The following GPN3 variants were observed in gnomAD, a reference collection of about 807,000 sequenced individuals.
GPN3 encodes ATP-binding domain 1 family member C.
A neutral mutation model predicts 38.7 loss-of-function variants in GPN3; 31 were observed. The observed-to-expected ratio is 0.80, with a 90% CI of 0.60 to 1.08. The LOEUF (loss-of-function observed/expected upper bound fraction) is 1.08, where lower values mean the gene tolerates loss of function less well. Ranked by LOEUF, GPN3 falls within the 50% of genes least tolerant of loss-of-function variation. The pLI, the probability that GPN3 is intolerant of heterozygous loss-of-function variation, is 0.00. For synonymous variants in GPN3, 116 were observed against 120.2 expected (o/e 0.96, Z 0.23); for missense variants, 301 against 354.4 (o/e 0.85, Z 1.21).
chr12:110,453,245 G>A, intron 7 of GPN3, 149 bp from the exon 8 acceptor site: 1 of 500,978 alleles, frequency 2.0e-6, no homozygotes, highest in Non-Finnish European at 3.5e-6. Flanking sequence ...ACTGTTAATA[G>A]TAAGAAAAGG....
chr12:110,461,420 T>C, intron 2 of GPN3: 1 of 595,248 alleles, frequency 1.7e-6, no homozygotes, highest in South Asian at 2.1e-5. Flanking sequence ...AAAGACTCCA[T>C]CTCAAACAAA....
intron 2 of GPN3, among the ~76,000 whole-genome samples, chr12:110,462,854 G>T (rs1049756972): frequency 1.3e-5 from 2 of 152,082 alleles, no homozygotes; most frequent in Admixed American, 6.6e-5. Context: ...CCTCCCGGGT[G>T]CACGCCATTC....
intron 2 of GPN3, among the ~76,000 whole-genome samples, chr12:110,464,043 C>T (rs2062610434): frequency 1.3e-5 from 2 of 151,936 alleles, no homozygotes; most frequent in South Asian, 4.1e-4. Context: ...CAATGTTGCC[C>T]AGGCTGGACT....
In GPN3 at chr12:110,468,150, C is replaced by T. The variant is rs2062650113; in HGVS notation, c.48+6G>A. 1 of 1,613,960 alleles carries T rather than the reference C, an allele frequency of 6.2e-7. No homozygotes were observed. The highest frequency in any genetic ancestry group is 8.5e-7 in the Non-Finnish European group (1 of 1,180,034). On this transcript the variant is annotated splice_donor_region_variant and intron_variant, in intron 1 of 7. Coordinates refer to ENST00000228827, the MANE Select transcript of GPN3 (RefSeq NM_016301.4). ...CTTTTCTCTCCTTGTCCCCGCAGAT[C>T]CTCACCTTCCCGCTGCCCGCGGGGC...
In GPN3 at chr12:110,452,969, T is replaced by C. The variant is rs372672794; in HGVS notation, c.*65A>G. The C allele has an allele frequency of 8.5e-4, 681 of 802,592 alleles. 1 individual carries two copies. Among genetic ancestry groups the C allele is most frequent in the Non-Finnish European group, 1.5e-3 (651 of 439,630 alleles). The allele number at this position is 802,592 out of a possible 1,614,324, so 49.7% of individuals were successfully genotyped here. On this transcript the variant is annotated 3_prime_UTR_variant, in exon 8 of 8. Transcript: ENST00000228827. ...AGTAGCTTTCTACTATTGCATCCTTTGAAGAGAAGAATGTTCTGCTGGTTT... is the reference window on the plus strand; with the variant it reads ...AGTAGCTTTCTACTATTGCATCCTTCGAAGAGAAGAATGTTCTGCTGGTTT...
chr12:110,455,625 GCTT>G lies in GPN3; in HGVS notation c.621_623del (p.Arg207del). Reference sequence around the variant, plus strand: ...CTTTAGTCAGTTTCTTGAATTTTTTGCTTCTTAAGTCACTTGTAGAATCTTCTA... The same window carrying G: ...CTTTAGTCAGTTTCTTGAATTTTTTGCTTAAGTCACTTGTAGAATCTTCTA... On this transcript the variant is annotated inframe_deletion, in exon 6 of 8. Transcript: ENST00000228827. 1 of 1,460,958 alleles carries G rather than the reference GCTT, an allele frequency of 6.8e-7. No individual in the cohort carries two copies. Among genetic ancestry groups the G allele is most frequent in the South Asian group, 1.2e-5 (1 of 86,846 alleles). 90.5% of individuals were successfully genotyped at this position (1,460,958 alleles called of 1,614,324 possible). A position where few individuals can be genotyped will look rare whatever the true frequency, so the allele number is the denominator to read the frequency against.
In GPN3 at chr12:110,455,812, C is replaced by T. The variant is rs1449278184; in HGVS notation, c.566+3G>A. On this transcript the variant is annotated splice_donor_region_variant and intron_variant, in intron 5 of 7. Transcript: ENST00000228827. ...GATAATAATGGAAGAACAGTGAACT[C>T]ACTTCTCAATTTCCTTTTTTGCTTT... 7.2e-7 allele frequency: 1 copy of T among 1,396,686 alleles called. No homozygotes were observed. Among genetic ancestry groups the T allele is most frequent in the Non-Finnish European group, 1.0e-6 (1 of 981,608 alleles). The allele number at this position is 1,396,686 out of a possible 1,614,324, so 86.5% of individuals were successfully genotyped here. A position where few individuals can be genotyped will look rare whatever the true frequency, so the allele number is the denominator to read the frequency against.
At chr12:110,465,869 G>A (rs1340762086) in intron 1 of GPN3, among the ~76,000 whole-genome samples, 1 of 152,164 alleles carries the variant, frequency 6.6e-6, no homozygotes, top group Non-Finnish European at 1.5e-5. Flanking sequence ...CTGAGGTCAG[G>A]AGTTGGAGAC....
chr12:110,452,753 C>A lies in GPN3; in HGVS notation c.*281G>T. 2.9e-6 allele frequency: 1 copy of A among 341,310 alleles called. No individual in the cohort carries two copies. The highest frequency in any genetic ancestry group is 5.5e-6 in the Non-Finnish European group (1 of 180,554). The allele number at this position is 341,310 out of a possible 1,614,324, so 21.1% of individuals were successfully genotyped here. A position where few individuals can be genotyped will look rare whatever the true frequency, so the allele number is the denominator to read the frequency against. On this transcript the variant is annotated 3_prime_UTR_variant, in exon 8 of 8. Coordinates refer to ENST00000228827, the MANE Select transcript of GPN3 (RefSeq NM_016301.4). ...AAAATAAGTTTAGACCAGCCTTAAC[C>A]TTAGCTCAGGTGCTAATTTATATAT...
chr12:110,455,749 T>C, intron 5 of GPN3, 66 bp downstream of exon 5: 1 of 1,047,662 alleles, frequency 9.5e-7, no homozygotes, highest in Non-Finnish European at 1.5e-6. Context: ...ACTTCCCATC[T>C]AAATAAAACA....
At chr12:110,468,425 G>C (rs536063572), upstream of GPN3, 22 of 1,534,538 alleles carry the variant, frequency 1.4e-5, no homozygotes, top group Non-Finnish European at 1.8e-5. Flanking sequence ...GTGCGCAAAA[G>C]TAGTTGATGG....
intron 1 of GPN3, among the ~76,000 whole-genome samples, chr12:110,467,853 C>A (rs1270273281): frequency 6.6e-6 from 1 of 152,150 alleles, no homozygotes; most frequent in African/African-American, 2.4e-5. Context: ...ACTTAATTAA[C>A]CTTTCTGTAT....
intron 2 of GPN3, 121 bp from the exon 3 acceptor site, chr12:110,459,983 G>A: frequency 4.0e-6 from 3 of 745,118 alleles, no homozygotes; most frequent in Non-Finnish European, 4.4e-6. Flanking sequence ...AATTATTTAT[G>A]TACATGGCTT....
At chr12:110,463,193 G>A (rs1387681769) in intron 2 of GPN3, among the ~76,000 whole-genome samples, 2 of 152,102 alleles carry the variant, frequency 1.3e-5, no homozygotes, top group African/African-American at 2.4e-5. Context: ...GTCAAGCTGG[G>A]TGAGTCACTT....
intron 1 of GPN3, among the ~76,000 whole-genome samples, chr12:110,467,319 A>G (rs965555106): frequency 1.3e-5 from 2 of 152,140 alleles, no homozygotes; most frequent in African/African-American, 4.8e-5. Flanking sequence ...TATTTGATCC[A>G]TATCTTCACC....
At chr12:110,453,389 T>C (rs1230421847) in intron 7 of GPN3, among the ~76,000 whole-genome samples, 1 of 152,134 alleles carries the variant, frequency 6.6e-6, no homozygotes, top group East Asian at 1.9e-4. Flanking sequence ...TCGCTGGTAG[T>C]CTAGTGGTCA....
At chr12:110,468,260 G>C (rs2062651954), upstream of GPN3, 7 of 1,603,280 alleles carry the variant, frequency 4.4e-6, no homozygotes, top group Non-Finnish European at 5.9e-6. Flanking sequence ...CGCCCACTGA[G>C]CTCCGGGAAA....
rs1331658891 is a variant in GPN3 at position 110,455,570 on chromosome 12, A to G, written c.663+16T>C. 1 of 1,183,114 alleles carries G rather than the reference A, an allele frequency of 8.5e-7. No homozygotes were observed. Among genetic ancestry groups the G allele is most frequent in the African/African-American group, 1.5e-5 (1 of 65,512 alleles). 73.3% of individuals were successfully genotyped at this position (1,183,114 alleles called of 1,614,324 possible). On this transcript the variant is annotated intron_variant, in intron 6 of 7. Coordinates refer to ENST00000228827, the MANE Select transcript of GPN3 (RefSeq NM_016301.4). Reference sequence around the variant, plus strand: ...CCACTGCACCTGGCCAAAAAATCCAAACTTTAAAAGCTTACCAGTCCACAT... The same window carrying G: ...CCACTGCACCTGGCCAAAAAATCCAGACTTTAAAAGCTTACCAGTCCACAT...
At chr12:110,459,303 C>T (rs1471535675) in intron 3 of GPN3, among the ~76,000 whole-genome samples, 1 of 150,642 alleles carries the variant, frequency 6.6e-6, no homozygotes, top group Non-Finnish European at 1.5e-5. Flanking sequence ...TGTAGTGGTA[C>T]AATCTTGGCT....
Sources: gnomAD v4.1 joint callset for allele counts (sites outside exome capture counted in the v4.1 genomes callset) on GRCh38, gnomAD v4.1.1 for gene constraint, MANE v1.5 for transcripts, NCBI Gene and HGNC (gene_info 2026-07-23, HGNC 2026-07-21) for gene names.